Variants in SMARCD2 observed in about 807,000 individuals in gnomAD.
The protein encoded by SMARCD2 is SWI/SNF related BAF chromatin remodeling complex subunit D2.
A neutral mutation model predicts 70.4 loss-of-function variants in SMARCD2; 39 were observed. That is an observed-to-expected ratio of 0.55 (90% CI 0.43 to 0.72). The LOEUF is 0.72. Ranked by LOEUF, SMARCD2 falls within the 30% of genes least tolerant of loss-of-function variation. The pLI is 0.00. For synonymous variants in SMARCD2, 249 were observed against 279.4 expected, an observed-to-expected ratio of 0.89 and a Z score of 1.08; for missense variants, 540 against 713.4, an observed-to-expected ratio of 0.76 and a Z score of 2.77.
chr17:63,833,378 T>C lies in SMARCD2; in HGVS notation c.1360A>G (p.Arg454Gly). 1 of 1,614,028 alleles carries C rather than the reference T, an allele frequency of 6.2e-7. No homozygotes were observed. The highest frequency in any genetic ancestry group is 8.5e-7 in the Non-Finnish European group (1 of 1,179,910). ...IESINQLKTQRDFMLSFSTDP... is the reference protein window; with the variant it reads ...IESINQLKTQGDFMLSFSTDP... The stretch of plus-strand genomic sequence containing the variant: ...GTGCTAAAACTGAGCATGAAATCTC[T>C]CTGGGTCTTCAGCTGGTTGATGGAC... The change falls in exon 11 of 13, where the codon AGA becomes GGA. Residue 454 changes from arginine (R) to glycine (G), a missense_variant. Transcript: ENST00000448276. The surrounding 1 kb of genome is among the most constrained non-coding windows in gnomAD (Gnocchi z 4.3).
intron 4 of SMARCD2, 34 bp from the exon 5 acceptor site, chr17:63,835,601 G>A (rs1236730448): frequency 1.9e-6 from 3 of 1,608,414 alleles, no homozygotes; most frequent in Non-Finnish European, 2.6e-6. Flanking sequence ...ACTGGAGGTG[G>A]ACCAAGATGC....
chr17:63,832,859 C>T lies in SMARCD2; in HGVS notation c.*79G>A, dbSNP rs1053919368. On this transcript the variant is annotated 3_prime_UTR_variant, in exon 13 of 13. Coordinates refer to ENST00000448276, the MANE Select transcript of SMARCD2 (RefSeq NM_001098426.2). ...AGCAGACACTCCTCACCCCAGCCTACGTGTCTGCGGCCCCAGCAAGGACCC... is the reference window on the plus strand; with the variant it reads ...AGCAGACACTCCTCACCCCAGCCTATGTGTCTGCGGCCCCAGCAAGGACCC... 1.9e-5 allele frequency: 23 copies of T among 1,230,762 alleles called. No individual in the cohort carries two copies. Among genetic ancestry groups the T allele is most frequent in the Admixed American group, 7.9e-5 (4 of 50,542 alleles). 76.2% of individuals were successfully genotyped at this position (1,230,762 alleles called of 1,614,324 possible). A position where few individuals can be genotyped will look rare whatever the true frequency, so the allele number is the denominator to read the frequency against.
chr17:63,841,912 G>A (rs1406004839), intron 1 of SMARCD2, among the ~76,000 whole-genome samples: 1 of 152,208 alleles, frequency 6.6e-6, no homozygotes, highest in Non-Finnish European at 1.5e-5. Flanking sequence ...GTCCGCCCGT[G>A]CACAAGCTGG....
Position 63,842,498 on chromosome 17 carries a change from GA to G in SMARCD2, c.176del (p.Phe59SerfsTer53). 8.1e-7 allele frequency: 1 copy of G among 1,236,134 alleles called. No homozygotes were observed. The allele number at this position is 1,236,134 out of a possible 1,614,324, so 76.6% of individuals were successfully genotyped here. On this transcript the variant is annotated frameshift_variant, in exon 1 of 13. Coordinates refer to ENST00000448276, the MANE Select transcript of SMARCD2 (RefSeq NM_001098426.2). LOFTEE classifies it high-confidence loss of function. Reference protein sequence around the residue: ...GGVGGPGAAAFRPMGPAGPAA... With the variant: ...GGVGGPGAAAXRPMGPAGPAA... ...CGGGGCCCGCGGGGCCCATGGGGCG[GA>G]AGGCGGCGGCCCCGGGGCCCCCCAC...
chr17:63,836,247 G>T (rs1192349391), intron 4 of SMARCD2, among the ~76,000 whole-genome samples: 8 of 151,902 alleles, frequency 5.3e-5, no homozygotes, highest in African/African-American at 1.9e-4. Context: ...TTCTCGGCTG[G>T]GTGCAGTGGC....
chr17:63,842,014 A>G (rs997542654), intron 1 of SMARCD2, among the ~76,000 whole-genome samples: 2 of 152,228 alleles, frequency 1.3e-5, no homozygotes, highest in Non-Finnish European at 2.9e-5. Context: ...CAGACACGCT[A>G]GAGCTCCGCC....
In SMARCD2 at chr17:63,833,161, C is replaced by G. The variant is rs753060205; in HGVS notation, c.1450G>C (p.Asp484His). 1 of 1,608,112 alleles carries G rather than the reference C, an allele frequency of 6.2e-7. No individual in the cohort carries two copies. The highest frequency in any genetic ancestry group is 1.7e-5 in the Admixed American group (1 of 58,928). ...TCCTCCTCAGGATTTCCAATCACATCAGTGATGATCTGCAAAGAGCCAGGA... is the reference window on the plus strand; with the variant it reads ...TCCTCCTCAGGATTTCCAATCACATGAGTGATGATCTGCAAAGAGCCAGGA... ...SQRRDLKIIT[D>H]VIGNPEEERR... The change falls in exon 12 of 13, where the codon GAT becomes CAT. Residue 484 changes from aspartate to histidine, a missense_variant. Coordinates refer to ENST00000448276, the MANE Select transcript of SMARCD2 (RefSeq NM_001098426.2). The surrounding 1 kb of genome is among the most constrained non-coding windows in gnomAD (Gnocchi z 4.3).
In SMARCD2 at chr17:63,834,866, C is replaced by T; in HGVS notation, c.724-66G>A. 1 of 1,158,698 alleles carries T rather than the reference C, an allele frequency of 8.6e-7. No individual in the cohort carries two copies. The highest frequency in any genetic ancestry group is 1.2e-5 in the South Asian group (1 of 80,134). 71.8% of individuals were successfully genotyped at this position (1,158,698 alleles called of 1,614,324 possible). On this transcript the variant is annotated intron_variant, in intron 5 of 12. Transcript: ENST00000448276. The surrounding 1 kb of genome is among the most constrained non-coding windows in gnomAD (Gnocchi z 5.6). ...TCAAATCTCAAGCTATGCTAAATCC[C>T]AAGAAAGAGAAGCCCCATTTCAGCC...
rs1282372795 is a variant in SMARCD2 at position 63,836,998 on chromosome 17, G to C, written c.491C>G (p.Ala164Gly). The change falls in exon 4 of 13, where the codon GCT becomes GGT. Residue 164 changes from alanine to glycine, a missense_variant. Ala to Gly is a moderately conservative substitution (Grantham distance 60). Coordinates refer to ENST00000448276, the MANE Select transcript of SMARCD2 (RefSeq NM_001098426.2). ...GGTCTGGTCCAGCTTCCGCTCAAAA[G>C]CCAAGAGATCCATGTACGCCTGAGA... ...PESQAYMDLL[A>G]FERKLDQTIA... 1.2e-6 allele frequency: 2 copies of C among 1,613,958 alleles called. No individual in the cohort carries two copies. The highest frequency in any genetic ancestry group is 3.3e-5 in the Admixed American group (2 of 60,030).
Position 63,837,140 on chromosome 17 carries a change from AC to A in SMARCD2, c.444+54del. ...CAGCCCAGCTTTGAGAGAGATGGAC[AC>A]CCACCCCAAGGTGGCCACTGGGCAG... On this transcript the variant is annotated intron_variant, in intron 3 of 12. Transcript: ENST00000448276. This position sits in a 1 kb window ranked among gnomAD's most constrained non-coding sequence, Gnocchi z 6.4. 6.2e-7 allele frequency: 1 copy of A among 1,611,284 alleles called. No homozygotes were observed. Among genetic ancestry groups the A allele is most frequent in the Non-Finnish European group, 8.5e-7 (1 of 1,177,696 alleles).
intron 5 of SMARCD2, chr17:63,835,163 A>G: frequency 1.8e-6 from 1 of 543,008 alleles, no homozygotes; most frequent in Non-Finnish European, 3.2e-6. Flanking sequence ...TCACTCTGTC[A>G]CCCAGGCTGA....
In SMARCD2 at chr17:63,834,010, G is replaced by A. The variant is rs746382238; in HGVS notation, c.1084-4C>T. On this transcript the variant is annotated splice_polypyrimidine_tract_variant and splice_region_variant and intron_variant, in intron 8 of 12. Transcript: ENST00000448276. This position sits in a 1 kb window ranked among gnomAD's most constrained non-coding sequence, Gnocchi z 5.6. Reference sequence around the variant, plus strand: ...GGAGTCGGCCACAACTGAAGATCTGGAGGAAATACGAAAGGCTCAGCGTTG... The same window carrying A: ...GGAGTCGGCCACAACTGAAGATCTGAAGGAAATACGAAAGGCTCAGCGTTG... 6.2e-7 allele frequency: 1 copy of A among 1,612,984 alleles called. No individual in the cohort carries two copies. The highest frequency in any genetic ancestry group is 2.2e-5 in the East Asian group (1 of 44,880).
At chr17:63,836,540 TGGGGAA>T (rs1290346876) in intron 4 of SMARCD2, among the ~76,000 whole-genome samples, 1 of 146,208 alleles carries the variant, frequency 6.8e-6, no homozygotes. Context: ...TCTCTATGGA[TGGGGAA>T]GGGGAAGGAG....
Position 63,832,707 on chromosome 17 carries a change from G to A in SMARCD2, c.*231C>T, listed in dbSNP as rs1003579004. On this transcript the variant is annotated 3_prime_UTR_variant, in exon 13 of 13. Coordinates refer to ENST00000448276, the MANE Select transcript of SMARCD2 (RefSeq NM_001098426.2). ...CAGTCCTACTTGGGCCTGCCTGCAGGGGGGCAGAGGAGGCATCTGCTGAAC... is the reference window on the plus strand; with the variant it reads ...CAGTCCTACTTGGGCCTGCCTGCAGAGGGGCAGAGGAGGCATCTGCTGAAC... The A allele has an allele frequency of 1.4e-5, 8 of 581,000 alleles. No homozygotes were observed. Among genetic ancestry groups the A allele is most frequent in the East Asian group, 2.9e-5 (1 of 34,860 alleles). The allele number at this position is 581,000 out of a possible 1,614,324, so 36.0% of individuals were successfully genotyped here. A position where few individuals can be genotyped will look rare whatever the true frequency, so the allele number is the denominator to read the frequency against.
chr17:63,836,993 C>T lies in SMARCD2; in HGVS notation c.496G>A (p.Glu166Lys). The change falls in exon 4 of 13, where the codon GAG becomes AAG. Residue 166 changes from glutamate to lysine, a missense_variant. By Grantham distance (56) the Glu-to-Lys change is moderately conservative (BLOSUM62 1). Transcript: ENST00000448276. ...SQAYMDLLAF[E>K]RKLDQTIARK... ...GCAATGGTCTGGTCCAGCTTCCGCT[C>T]AAAAGCCAAGAGATCCATGTACGCC... 5 of 1,614,038 alleles carry T rather than the reference C, an allele frequency of 3.1e-6. No homozygotes were observed. Among genetic ancestry groups the T allele is most frequent in the Non-Finnish European group, 4.2e-6 (5 of 1,179,880 alleles).
chr17:63,835,092 C>A, intron 5 of SMARCD2: 1 of 533,032 alleles, frequency 1.9e-6, no homozygotes. Flanking sequence ...CTCCCTATGG[C>A]AGGACTTCTC....
chr17:63,834,702 C>T lies in SMARCD2; in HGVS notation c.819+3G>A. The T allele has an allele frequency of 6.2e-7, 1 of 1,610,776 alleles. No individual in the cohort carries two copies. The highest frequency in any genetic ancestry group is 8.5e-7 in the Non-Finnish European group (1 of 1,176,888). ...CCTGCTTTTGCCCCAGGCCCACTCT[C>T]ACCTCCACCAGGTGATTGTCAGGCC... On this transcript the variant is annotated splice_donor_region_variant and intron_variant, in intron 6 of 12. Transcript: ENST00000448276. This position sits in a 1 kb window ranked among gnomAD's most constrained non-coding sequence, Gnocchi z 5.6.
At chr17:63,838,918 T>G in intron 1 of SMARCD2, 1 of 984,742 alleles carries the variant, frequency 1.0e-6, no homozygotes, top group Non-Finnish European at 1.2e-6. Flanking sequence ...ACACAGAGGG[T>G]CAGATTCTTG....
chr17:63,842,056 G>C (rs1399073981), intron 1 of SMARCD2, among the ~76,000 whole-genome samples: 1 of 152,186 alleles, frequency 6.6e-6, no homozygotes, highest in Non-Finnish European at 1.5e-5. Flanking sequence ...GGGCAGACTT[G>C]GACTGGGACC....
Sources: allele counts gnomAD v4.1 joint callset (sites outside exome capture counted in the v4.1 genomes callset), GRCh38; gene constraint gnomAD v4.1.1; non-coding constraint Gnocchi (gnomAD v3.1); transcripts MANE v1.5; gene names NCBI Gene and HGNC (gene_info 2026-07-23, HGNC 2026-07-21).